Variants in ELF1 observed in about 807,000 individuals in gnomAD.
ELF1 encodes the protein ETS-related transcription factor Elf-1.
A neutral mutation model predicts 59.9 loss-of-function variants in ELF1; 24 were observed. That is an observed-to-expected ratio of 0.40 (90% CI 0.29 to 0.56). ELF1 has a LOEUF of 0.56. ELF1 is among the 20% of genes least tolerant of loss of function. The pLI, the probability that ELF1 is intolerant of heterozygous loss-of-function variation, is 0.44. For synonymous variants in ELF1, 248 were observed against 266.2 expected, an observed-to-expected ratio of 0.93 and a Z score of 0.67; for missense variants, 627 against 742.2, an observed-to-expected ratio of 0.84 and a Z score of 1.80.
At chr13:41,049,534 C>A (rs543700554) in intron 1 of ELF1, among the ~76,000 whole-genome samples, 1 of 152,242 alleles carries the variant, frequency 6.6e-6, no homozygotes, top group East Asian at 1.9e-4. Context: ...TGATTTGATA[C>A]CTTGCAGCCT....
intron 1 of ELF1, among the ~76,000 whole-genome samples, chr13:41,056,792 CAAGG>C: frequency 6.6e-6 from 1 of 151,918 alleles, no homozygotes; most frequent in South Asian, 2.1e-4. Context: ...AGAAAGTAAC[CAAGG>C]AAGAGGAAGT....
chr13:41,044,485 A>G (rs1566198888), intron 1 of ELF1, among the ~76,000 whole-genome samples: 1 of 152,156 alleles, frequency 6.6e-6, no homozygotes, highest in African/African-American at 2.4e-5. Context: ...AGAATTTATT[A>G]AGAGTTTTTA....
chr13:40,938,337 C>T (rs896849669), intron 8 of ELF1, among the ~76,000 whole-genome samples: 12 of 152,110 alleles, frequency 7.9e-5, no homozygotes, highest in African/African-American at 2.9e-4. Flanking sequence ...TACTGTACAC[C>T]AATTAAGAAA....
At chr13:41,033,022 A>T (rs552260722) in intron 1 of ELF1, among the ~76,000 whole-genome samples, 14 of 152,268 alleles carry the variant, frequency 9.2e-5, no homozygotes, top group Admixed American at 6.5e-4. Context: ...CCCCAAAATG[A>T]TTTTTTAAAA....
intron 1 of ELF1, among the ~76,000 whole-genome samples, chr13:41,026,291 C>T (rs1211952778): frequency 1.3e-5 from 2 of 152,162 alleles, no homozygotes; most frequent in Non-Finnish European, 2.9e-5. Context: ...TCTGGCTCCT[C>T]CTACTACCAA....
intron 1 of ELF1, among the ~76,000 whole-genome samples, chr13:40,991,482 G>T (rs1168671008): frequency 6.6e-6 from 1 of 151,968 alleles, no homozygotes; most frequent in African/African-American, 2.4e-5. Context: ...TCACTTTGTT[G>T]CAAAGACAGA....
At chr13:40,984,725 C>A (rs191983475) in intron 1 of ELF1, among the ~76,000 whole-genome samples, 4 of 152,290 alleles carry the variant, frequency 2.6e-5, no homozygotes, top group Admixed American at 2.0e-4. Flanking sequence ...TTTGCTGATA[C>A]AGAAGTTTCT....
At chr13:40,991,982 T>C (rs940676382) in intron 1 of ELF1, among the ~76,000 whole-genome samples, 5 of 152,210 alleles carry the variant, frequency 3.3e-5, no homozygotes, top group African/African-American at 1.2e-4. Flanking sequence ...TTCTGATGAA[T>C]AGCTAAATCA....
At chr13:40,975,712 G>A (rs1872864463) in intron 2 of ELF1, among the ~76,000 whole-genome samples, 1 of 152,102 alleles carries the variant, frequency 6.6e-6, no homozygotes, top group Non-Finnish European at 1.5e-5. Flanking sequence ...AGACAGCTGT[G>A]GGCAAGGTAT....
At chr13:40,945,033 A>G (rs1417344421) in intron 5 of ELF1, among the ~76,000 whole-genome samples, 4 of 152,200 alleles carry the variant, frequency 2.6e-5, no homozygotes, top group Non-Finnish European at 5.9e-5. Flanking sequence ...CTAGTCAGCC[A>G]AGTATCTCGA....
chr13:40,972,506 C>G (rs1378554385), intron 2 of ELF1, among the ~76,000 whole-genome samples: 1 of 152,128 alleles, frequency 6.6e-6, no homozygotes, highest in East Asian at 1.9e-4. Flanking sequence ...ATGCAAGTCA[C>G]AAAAATCACT....
intron 2 of ELF1, among the ~76,000 whole-genome samples, chr13:40,963,195 A>AGGGTCCAT (rs1871953766): frequency 6.6e-6 from 1 of 152,238 alleles, no homozygotes; most frequent in Non-Finnish European, 1.5e-5. Context: ...AACTGACTCC[A>AGGGTCCAT]GGGTCCATGT....
chr13:40,951,609 T>A, intron 3 of ELF1, 173 bp from the exon 4 acceptor site: 1 of 418,660 alleles, frequency 2.4e-6, no homozygotes. Flanking sequence ...CAGTGGCTCA[T>A]TCCTGTAATC....
chr13:41,024,082 T>C (rs947083467), upstream of ELF1, among the ~76,000 whole-genome samples: 10 of 152,240 alleles, frequency 6.6e-5, no homozygotes, highest in Non-Finnish European at 1.0e-4. Flanking sequence ...GGTAATATGC[T>C]GACTGCAATC....
chr13:40,986,832 T>C (rs1873572785), intron 1 of ELF1, among the ~76,000 whole-genome samples: 1 of 152,108 alleles, frequency 6.6e-6, no homozygotes, highest in African/African-American at 2.4e-5. Context: ...ATAGTCAAAA[T>C]TGATCACTGA....
intron 1 of ELF1, among the ~76,000 whole-genome samples, chr13:41,057,775 A>G (rs1202329850): frequency 6.6e-6 from 1 of 152,238 alleles, no homozygotes; most frequent in African/African-American, 2.4e-5. Context: ...CCCAAGAGAC[A>G]GCACCTAAAA....
intron 5 of ELF1, among the ~76,000 whole-genome samples, chr13:40,944,155 T>C (rs1216024028): frequency 6.6e-6 from 1 of 152,190 alleles, no homozygotes; most frequent in African/African-American, 2.4e-5. Context: ...AATGATACCT[T>C]TGACACCTCA....
chr13:40,964,090 T>G (rs1872026277), intron 2 of ELF1, among the ~76,000 whole-genome samples: 1 of 152,146 alleles, frequency 6.6e-6, no homozygotes, highest in African/African-American at 2.4e-5. Context: ...CATGATGAAC[T>G]GCTTTGTAAA....
intron 1 of ELF1, among the ~76,000 whole-genome samples, chr13:41,059,399 A>C (rs780894027): frequency 2.0e-5 from 3 of 152,262 alleles, no homozygotes; most frequent in Non-Finnish European, 4.4e-5. Context: ...CAAATATTTG[A>C]ATTAATGAAG....
Sources: allele counts gnomAD v4.1 joint callset (sites outside exome capture counted in the v4.1 genomes callset), GRCh38; gene constraint gnomAD v4.1.1; transcripts MANE v1.5; gene names NCBI Gene and HGNC (gene_info 2026-07-23, HGNC 2026-07-21).